ATAD2B: variants seen among roughly 807,000 people sequenced by gnomAD.
ATAD2B encodes the protein ATPase family AAA domain containing 2B.
A neutral mutation model predicts 167.6 loss-of-function variants in ATAD2B; 40 were observed. That is an observed-to-expected ratio of 0.24 (90% CI 0.19 to 0.31). The LOEUF (loss-of-function observed/expected upper bound fraction) is 0.31. Ranked by LOEUF, ATAD2B falls within the 10% of genes least tolerant of loss-of-function variation. The pLI is 1.00. For missense variants in ATAD2B, 1,242 were observed against 1,757.2 expected (o/e 0.71, Z 5.24); for synonymous variants, 579 against 596.5 (o/e 0.97, Z 0.43).
At chr2:23,860,791 T>C (rs1694221209) in intron 12 of ATAD2B, among the ~76,000 whole-genome samples, 1 of 152,064 alleles carries the variant, frequency 6.6e-6, no homozygotes, top group African/African-American at 2.4e-5. Flanking sequence ...GCCAACATGG[T>C]GAAACCCTGT....
At chr2:23,847,452 C>A (rs1053161060) in intron 13 of ATAD2B, among the ~76,000 whole-genome samples, 4 of 151,772 alleles carry the variant, frequency 2.6e-5, no homozygotes, top group Non-Finnish European at 4.4e-5. Flanking sequence ...TTGCCATGAG[C>A]AGAGATTGCG....
At chr2:23,747,224 T>C (rs546141441), downstream of ATAD2B, among the ~76,000 whole-genome samples, 16 of 152,058 alleles carry the variant, frequency 1.1e-4, no homozygotes, top group African/African-American at 3.6e-4. Context: ...TTTTATAAAT[T>C]ATATTTACAT....
Position 23,819,731 on chromosome 2 carries a change from G to A in ATAD2B, c.2267+16C>T. ...AATCACTCTAAATACAAAGAAAGTT[G>A]ATATAAATCACTCACATTGTAAAAT... On this transcript the variant is annotated intron_variant, in intron 17 of 27. Transcript: ENST00000238789. 1.3e-6 allele frequency: 2 copies of A among 1,564,642 alleles called. No individual in the cohort carries two copies. The highest frequency in any genetic ancestry group is 1.7e-6 in the Non-Finnish European group (2 of 1,150,428).
In ATAD2B at chr2:23,926,911, G is replaced by A; in HGVS notation, c.-141C>T. 1 of 1,027,478 alleles carries A rather than the reference G, an allele frequency of 9.7e-7. No individual in the cohort carries two copies. Among genetic ancestry groups the A allele is most frequent in the Non-Finnish European group, 1.4e-6 (1 of 740,122 alleles). 63.6% of individuals were successfully genotyped at this position (1,027,478 alleles called of 1,614,324 possible). ...CCCGGAGCGTGCGGAGCGCAGACGAGCACAAGAGAGAGCCGGGCAGAGGAA... is the reference window on the plus strand; with the variant it reads ...CCCGGAGCGTGCGGAGCGCAGACGAACACAAGAGAGAGCCGGGCAGAGGAA... On this transcript the variant is annotated 5_prime_UTR_variant, in exon 1 of 28. Transcript: ENST00000238789.
intron 1 of ATAD2B, among the ~76,000 whole-genome samples, chr2:23,925,590 T>C (rs1400698957): frequency 1.3e-5 from 2 of 152,238 alleles, no homozygotes; most frequent in Non-Finnish European, 2.9e-5. Flanking sequence ...CACTCTTCTC[T>C]GAATTCAGAA....
chr2:23,779,463 C>T (rs1679673414), intron 22 of ATAD2B, among the ~76,000 whole-genome samples: 1 of 152,062 alleles, frequency 6.6e-6, no homozygotes, highest in African/African-American at 2.4e-5. Context: ...GCATGAACCA[C>T]TGCACCCAGC....
chr2:23,780,905 C>G (rs530157474), intron 22 of ATAD2B, among the ~76,000 whole-genome samples: 10 of 151,570 alleles, frequency 6.6e-5, no homozygotes, highest in Non-Finnish European at 1.5e-4. Flanking sequence ...CTGTCTCAAA[C>G]AAAAAACAAA....
At chr2:23,778,219 G>C (rs575335153) in intron 22 of ATAD2B, among the ~76,000 whole-genome samples, 2 of 150,530 alleles carry the variant, frequency 1.3e-5, no homozygotes, top group African/African-American at 2.5e-5. Flanking sequence ...TTTTGTATCA[G>C]AACAAGTGAA....
At chr2:23,852,420 C>A (rs1305988548) in intron 13 of ATAD2B, among the ~76,000 whole-genome samples, 1 of 152,060 alleles carries the variant, frequency 6.6e-6, no homozygotes, top group African/African-American at 2.4e-5. Flanking sequence ...CCATCACACC[C>A]AGTGTATATC....
At chr2:23,682,649 C>T in the ATAD2B span, among the ~76,000 whole-genome samples, 1 of 152,250 alleles carries the variant, frequency 6.6e-6, no homozygotes, top group East Asian at 1.9e-4. This position sits in a 1 kb window ranked among gnomAD's most constrained non-coding sequence, Gnocchi z 4.1. Flanking sequence ...TGTCCACCTG[C>T]ACCTGCCCCC....
intron 22 of ATAD2B, among the ~76,000 whole-genome samples, chr2:23,773,646 T>C: frequency 6.6e-6 from 1 of 152,236 alleles, no homozygotes; most frequent in East Asian, 1.9e-4. Context: ...GAATAGAAAC[T>C]ATATATTTAT....
chr2:23,741,378 C>G, the ATAD2B span, among the ~76,000 whole-genome samples: 8 of 152,100 alleles, frequency 5.3e-5, no homozygotes, highest in South Asian at 1.0e-3. Context: ...GAACAGAACA[C>G]AGCCCTCAGA....
the ATAD2B span, among the ~76,000 whole-genome samples, chr2:23,727,330 G>A: frequency 0.67 from 101,914 of 152,000 alleles, 35,094 homozygotes; most frequent in East Asian, 0.84. Context: ...AATGCTCAAC[G>A]TCATATGTCA....
the ATAD2B span, among the ~76,000 whole-genome samples, chr2:23,678,561 A>T: frequency 6.6e-6 from 1 of 152,226 alleles, no homozygotes; most frequent in Non-Finnish European, 1.5e-5. Context: ...GGCCTGACCT[A>T]GATCTGCTGA....
chr2:23,891,113 C>T (rs1172466413), intron 2 of ATAD2B, among the ~76,000 whole-genome samples: 4 of 151,068 alleles, frequency 2.6e-5, no homozygotes, highest in African/African-American at 7.3e-5. Context: ...CACCATCTCC[C>T]GGGTTCAAGT....
chr2:23,887,296 AG>A (rs1192895240), intron 4 of ATAD2B, among the ~76,000 whole-genome samples: 1 of 152,162 alleles, frequency 6.6e-6, no homozygotes, highest in Non-Finnish European at 1.5e-5. Flanking sequence ...TCCCGGGCAC[AG>A]GATCTTCCCA....
At chr2:23,740,967 A>G in the ATAD2B span, among the ~76,000 whole-genome samples, 11 of 152,198 alleles carry the variant, frequency 7.2e-5, no homozygotes, top group African/African-American at 2.7e-4. Flanking sequence ...TTCAAAGAGA[A>G]TAAAATACCT....
chr2:23,704,770 A>G, the ATAD2B span, among the ~76,000 whole-genome samples: 2 of 152,172 alleles, frequency 1.3e-5, no homozygotes, highest in East Asian at 3.9e-4. Context: ...CCGTCTCACA[A>G]AAAAGAAGGG....
chr2:23,834,254 C>T (rs531232142), intron 13 of ATAD2B, among the ~76,000 whole-genome samples, 176 bp from the exon 14 acceptor site: 4 of 149,958 alleles, frequency 2.7e-5, no homozygotes, highest in South Asian at 2.1e-4. Context: ...CTCCGCCTCC[C>T]GGGTTCAAGC....
Sources: allele counts gnomAD v4.1 joint callset (sites outside exome capture counted in the v4.1 genomes callset), GRCh38; gene constraint gnomAD v4.1.1; non-coding constraint Gnocchi (gnomAD v3.1); transcripts MANE v1.5; gene names NCBI Gene and HGNC (gene_info 2026-07-23, HGNC 2026-07-21).